MED13: variants seen among roughly 807,000 people sequenced by gnomAD.
MED13 encodes mediator complex subunit 13, also known as mediator of RNA polymerase II transcription subunit 13.
A neutral mutation model predicts 225.2 loss-of-function variants in MED13; 23 were observed. That is an observed-to-expected ratio of 0.10 (90% confidence interval 0.07 to 0.14). The LOEUF (loss-of-function observed/expected upper bound fraction) is 0.14, where lower values mean the gene tolerates loss of function less well. Ranked by LOEUF, MED13 falls within the 10% of genes least tolerant of loss-of-function variation. MED13 has a pLI of 1.00. For synonymous variants in MED13, 942 were observed against 889.2 expected (o/e 1.06, Z -1.06); for missense variants, 2,197 against 2,594.5 (o/e 0.85, Z 3.33).
In MED13 at chr17:61,945,172, CT is replaced by C. The variant is rs1277624699; in HGVS notation, c.*1295del. Reference sequence around the variant, plus strand: ...GGTTCTTTCACTAGTGGAATAGAGTCTGAATACCAGAATTCACTGAGAATCT... The same window carrying C: ...GGTTCTTTCACTAGTGGAATAGAGTCGAATACCAGAATTCACTGAGAATCT... On this transcript the variant is annotated 3_prime_UTR_variant, in exon 30 of 30. Transcript: ENST00000397786. The C allele has an allele frequency of 6.6e-6, 1 of 152,054 alleles. No homozygotes were observed. The highest frequency in any genetic ancestry group is 1.5e-5 in the Non-Finnish European group (1 of 68,002). The allele number at this position is 152,054 out of a possible 1,614,324, so 9.4% of individuals were successfully genotyped here.
At position 61,984,245 on chromosome 17, in the gene MED13, A is replaced by T; in HGVS notation, c.2814T>A (p.Ile938=). The part of the protein sequence containing the change: ...LPPIKLPEEC[I]YRQSWTVGKL... The stretch of plus-strand genomic sequence containing the variant: ...TTCCAACAGTCCAACTCTGACGGTA[A>T]ATACACTCTTCTGGCAATTTGATAG... The change falls in exon 15 of 30, where the codon ATT becomes ATA. Residue 938 remains isoleucine, a synonymous_variant. Transcript: ENST00000397786. 2 of 1,611,314 alleles carry T rather than the reference A, an allele frequency of 1.2e-6. No homozygotes were observed. Among genetic ancestry groups the T allele is most frequent in the South Asian group, 1.1e-5 (1 of 90,528 alleles).
chr17:62,043,107 G>GATTACACC (rs2080867449), intron 3 of MED13, among the ~76,000 whole-genome samples: 4 of 114,082 alleles, frequency 3.5e-5, no homozygotes, highest in African/African-American at 1.4e-4. Context: ...AGTGAGTCAA[G>GATTACACC]ATTACACCAC....
chr17:61,978,852 T>A (rs997683251), intron 16 of MED13, among the ~76,000 whole-genome samples: 5 of 152,240 alleles, frequency 3.3e-5, no homozygotes, highest in Admixed American at 3.3e-4. Context: ...GGATAAATGC[T>A]GATACTGTCA....
Position 61,966,354 on chromosome 17 carries a change from TA to T in MED13, c.4381+107del. The T allele has an allele frequency of 4.6e-6, 4 of 875,590 alleles. No homozygotes were observed. In the Admixed American group the frequency reaches 7.8e-5, roughly 17 times the overall value. 54.2% of individuals were successfully genotyped at this position (875,590 alleles called of 1,614,324 possible). ...CACAAAAGCAGCCAGAGAAAATACA[TA>T]AATGAGGATGGCTGTGTTCCAATAA... On this transcript the variant is annotated intron_variant, in intron 19 of 29. Coordinates refer to ENST00000397786, the MANE Select transcript of MED13 (RefSeq NM_005121.3).
At chr17:62,014,792 G>A (rs2080546989) in intron 8 of MED13, among the ~76,000 whole-genome samples, 1 of 152,114 alleles carries the variant, frequency 6.6e-6, no homozygotes, top group Admixed American at 6.6e-5. Context: ...TTACAGGCAT[G>A]AACCACTGTA....
rs2080002333 is a variant in MED13 at position 61,961,733 on chromosome 17, C to A, written c.5111G>T (p.Arg1704Ile). 6.2e-7 allele frequency: 1 copy of A among 1,614,024 alleles called. No individual in the cohort carries two copies. Among genetic ancestry groups the A allele is most frequent in the East Asian group, 2.2e-5 (1 of 44,870 alleles). ...TTTTAAATGCTGGGGATAGATTTCT[C>A]TATCTTCATGCTTCACAGGTTGCAA... Reference protein sequence around the residue: ...YLLQPVKHEDREIYPQHLKSL... With the variant: ...YLLQPVKHEDIEIYPQHLKSL... Residue 1704 changes from arginine (R) to isoleucine (I), a missense_variant, in exon 22 of 30, where the codon AGA (arginine) becomes ATA (isoleucine). Physicochemically the swap from Arg to Ile is moderately conservative, Grantham distance 97 (BLOSUM62 -3). Transcript: ENST00000397786.
intron 4 of MED13, 85 bp downstream of exon 4, chr17:62,035,378 C>A: frequency 1.8e-6 from 2 of 1,133,448 alleles, no homozygotes. Flanking sequence ...GGGGGAATTC[C>A]ATCAATCCCC....
intron 3 of MED13, among the ~76,000 whole-genome samples, chr17:62,043,464 G>A (rs1195757478): frequency 6.6e-6 from 1 of 152,110 alleles, no homozygotes; most frequent in African/African-American, 2.4e-5. Flanking sequence ...TTAGCAGAGA[G>A]TTCATACCCT....
chr17:62,013,638 ATTTAAC>A, intron 8 of MED13, among the ~76,000 whole-genome samples: 1 of 152,192 alleles, frequency 6.6e-6, no homozygotes, highest in Non-Finnish European at 1.5e-5. Flanking sequence ...AGCTCTCAAC[ATTTAAC>A]ATTTTACTGA....
chr17:61,995,491 G>A, intron 9 of MED13, 126 bp from the exon 10 acceptor site: 1 of 602,032 alleles, frequency 1.7e-6, no homozygotes, highest in East Asian at 3.2e-5. Context: ...CCTTATTTCA[G>A]AAATGAGGAG....
Position 61,992,568 on chromosome 17 carries a change from C to T in MED13, c.2235G>A (p.Met745Ile), listed in dbSNP as rs748637698. 3 of 1,611,484 alleles carry T rather than the reference C, an allele frequency of 1.9e-6. No homozygotes were observed. Among genetic ancestry groups the T allele is most frequent in the Admixed American group, 3.3e-5 (2 of 59,970 alleles). The change falls in exon 11 of 30, where the codon ATG becomes ATA. Residue 745 changes from methionine (M) to isoleucine (I), a missense_variant. Physicochemically the swap from Met to Ile is conservative, Grantham distance 10. This residue lies in a region of MED13 where 884 missense variants were observed against 918.5 expected (regional missense o/e 0.96). Transcript: ENST00000397786. ...GCTTGATAGAGGGACTAAATAATGA[C>T]ATAGCATCTTCTTCATGTGATAACA... ...VTVLSHEEDAMSLFSPSIKQD... is the reference protein window; with the variant it reads ...VTVLSHEEDAISLFSPSIKQD...
At chr17:62,031,335 G>C in intron 6 of MED13, 109 bp downstream of exon 6, 1 of 1,001,614 alleles carries the variant, frequency 1.0e-6, no homozygotes. Flanking sequence ...TACTACACTT[G>C]TAAATTCTCA....
intron 8 of MED13, among the ~76,000 whole-genome samples, chr17:62,027,828 T>C (rs990727429): frequency 2.6e-5 from 4 of 152,202 alleles, no homozygotes; most frequent in African/African-American, 9.6e-5. Context: ...TCAACATCAC[T>C]GATCATTAGA....
chr17:62,029,060 C>G (rs1240530052), intron 8 of MED13, among the ~76,000 whole-genome samples: 1 of 151,956 alleles, frequency 6.6e-6, no homozygotes, highest in African/African-American at 2.4e-5. Flanking sequence ...ACTTGGGAGG[C>G]TGGGGCAGGA....
chr17:61,947,685 C>T (rs534489333), intron 28 of MED13, among the ~76,000 whole-genome samples: 1 of 152,300 alleles, frequency 6.6e-6, no homozygotes, highest in African/African-American at 2.4e-5. Flanking sequence ...ATACAGTGCA[C>T]AGATGCCTGC....
intron 16 of MED13, among the ~76,000 whole-genome samples, chr17:61,974,994 G>A (rs553435747): frequency 8.5e-5 from 13 of 152,102 alleles, no homozygotes; most frequent in African/African-American, 2.9e-4. Flanking sequence ...ATCCTATGGA[G>A]ATATGAAAAA....
In MED13 at chr17:62,010,797, G is replaced by C. The variant is rs371337448; in HGVS notation, c.1720C>G (p.Pro574Ala). The change falls in exon 9 of 30, where the codon CCA becomes GCA. Residue 574 changes from proline (P) to alanine (A), a missense_variant. Around this residue, in one of 12 missense-constraint regions of MED13, gnomAD observed 884 missense variants for 918.5 expected, o/e 0.96. Coordinates refer to ENST00000397786, the MANE Select transcript of MED13 (RefSeq NM_005121.3). ...PTPDPLVPSK[P>A]MEDRIDSLSQ... The stretch of plus-strand genomic sequence containing the variant: ...AAACTGTCTATCCTATCTTCCATTG[G>C]TTTAGAAGGAACCAAGGGATCTGGT... 15 of 1,614,050 alleles carry C rather than the reference G, an allele frequency of 9.3e-6. No homozygotes were observed. In the African/African-American group the frequency reaches 1.6e-4, roughly 17 times the overall value.
intron 4 of MED13, 80 bp from the exon 5 acceptor site, chr17:62,034,064 T>C: frequency 8.1e-7 from 1 of 1,231,638 alleles, no homozygotes; most frequent in Middle Eastern, 2.0e-4. Context: ...ATGTGGCAAA[T>C]AATCGTGCAA....
intron 11 of MED13, 128 bp from the exon 12 acceptor site, chr17:61,987,256 G>A: frequency 2.3e-6 from 1 of 433,350 alleles, no homozygotes; most frequent in Non-Finnish European, 4.1e-6. Flanking sequence ...CCAAGATGGT[G>A]AAACCCCGTC....
Sources: allele counts gnomAD v4.1 joint callset (sites outside exome capture counted in the v4.1 genomes callset), GRCh38; gene constraint gnomAD v4.1.1; regional missense constraint gnomAD v4.1.1; transcripts MANE v1.5; gene names NCBI Gene and HGNC (gene_info 2026-07-23, HGNC 2026-07-21).